Variants in EGF observed in about 807,000 individuals in gnomAD.
The protein encoded by EGF is epidermal growth factor.
Under a neutral mutation model 143.8 loss-of-function variants are expected in EGF, and 95 were observed. The ratio of observed to expected loss-of-function variants is 0.66; its 90% CI spans 0.56 to 0.78. EGF has a LOEUF of 0.78. Among genes scored for constraint, EGF ranks in the 30% least tolerant of loss-of-function variants. EGF has a pLI of 0.00. For synonymous variants in EGF, 510 were observed against 510.5 expected (o/e 1.00, Z 0.01); for missense variants, 1,320 against 1,470.9 (o/e 0.90, Z 1.68).
chr4:109,990,403 G>A (rs945476222), intron 18 of EGF, among the ~76,000 whole-genome samples: 6 of 152,192 alleles, frequency 3.9e-5, no homozygotes, highest in African/African-American at 1.4e-4. Flanking sequence ...TTTCAGGGAG[G>A]AAGTGTCATT....
At chr4:109,915,293 C>A (rs182989404) in intron 1 of EGF, among the ~76,000 whole-genome samples, 10 of 152,302 alleles carry the variant, frequency 6.6e-5, no homozygotes, top group Admixed American at 1.3e-4. Flanking sequence ...GGAAATAATA[C>A]CCTCGCCCAC....
chr4:109,930,657 C>T (rs746724898), intron 1 of EGF, among the ~76,000 whole-genome samples: 4 of 152,146 alleles, frequency 2.6e-5, no homozygotes, highest in African/African-American at 9.7e-5. Context: ...GTGTTTGCCC[C>T]CAAGGCCTGC....
chr4:109,913,552 C>A (rs2125914241), intron 1 of EGF, 90 bp downstream of exon 1: 1 of 1,553,278 alleles, frequency 6.4e-7, no homozygotes. Context: ...GGGCATTTAA[C>A]AAAGTTTGTC....
chr4:109,917,230 T>C (rs989426581), intron 1 of EGF, among the ~76,000 whole-genome samples: 5 of 152,218 alleles, frequency 3.3e-5, no homozygotes, highest in Non-Finnish European at 5.9e-5. Context: ...CATATAAAAA[T>C]GGTAAATTAG....
chr4:109,959,354 CTG>C lies in EGF; in HGVS notation c.990_991del (p.Cys330TrpfsTer25), dbSNP rs766742641. Reference sequence around the variant, plus strand: ...TTGAGGAAAGGAAACTGCAGCAGCACTGTGTGTGGGCAAGACCTCCAGTCACA... The same window carrying C: ...TTGAGGAAAGGAAACTGCAGCAGCACTGTGTGGGCAAGACCTCCAGTCACA... On this transcript the variant is annotated frameshift_variant, in exon 6 of 24. Transcript: ENST00000265171. LOFTEE classifies it high-confidence loss of function. 8 of 1,613,542 alleles carry C rather than the reference CTG, an allele frequency of 5.0e-6. No homozygotes were observed. The African/African-American group carries it at 1.1e-4, about 22-fold the overall frequency.
intron 12 of EGF, among the ~76,000 whole-genome samples, chr4:109,975,508 A>G (rs1698535993): frequency 1.3e-5 from 2 of 152,216 alleles, no homozygotes; most frequent in South Asian, 2.1e-4. Context: ...TGTGCCCAGC[A>G]CCTGATTTAT....
In EGF at chr4:109,980,902, G is replaced by T. The variant is rs41491249; in HGVS notation, c.2298G>T (p.Ser766=). 4 of 1,614,054 alleles carry T rather than the reference G, an allele frequency of 2.5e-6. No homozygotes were observed. The Admixed American group carries it at 6.7e-5, about 27-fold the overall frequency. ...CKKRLGTAWC[S]CREGFMKASD... ...AGAGGCTTGGAACTGCTTGGTGTTC[G>T]TGTCGTGAAGGTTTTATGAAAGCCT... The change falls in exon 15 of 24, where the codon TCG becomes TCT. Residue 766 remains serine, a synonymous_variant. Transcript: ENST00000265171.
At chr4:109,932,380 T>TATATATATATATATATATATATA (rs1560643531) in intron 1 of EGF, among the ~76,000 whole-genome samples, 8 of 103,812 alleles carry the variant, frequency 7.7e-5, no homozygotes, top group South Asian at 3.1e-4. Flanking sequence ...TATATATAAA[T>TATATATATATATATATATATATA]TTTTTTTTTT....
intron 14 of EGF, chr4:109,980,603 T>C: frequency 1.7e-6 from 1 of 582,508 alleles, no homozygotes. Flanking sequence ...AAGTGCTGGC[T>C]ATACCCAGTA....
rs202054851 is a variant in EGF at position 110,010,414 on chromosome 4, T to A, written c.3371-788T>A. ...TCAACCAAGACTATTGTAATTTTTT[T>A]AAAAAAATTTTAAGATGCCAACCAA... On this transcript the variant is annotated intron_variant, in intron 23 of 23. Coordinates refer to ENST00000265171, the MANE Select transcript of EGF (RefSeq NM_001963.6). Among the ~76,000 whole-genome samples the A allele has an allele frequency of 1.3e-3, 201 of 152,032 alleles. 1 individual carries two copies. Among genetic ancestry groups the A allele is most frequent in the African/African-American group, 3.0e-3 (126 of 41,416 alleles).
At chr4:109,961,051 G>A in intron 7 of EGF, 62 bp downstream of exon 7, 7 of 1,591,602 alleles carry the variant, frequency 4.4e-6, no homozygotes, top group Non-Finnish European at 5.2e-6. Flanking sequence ...TGTTTCTAAG[G>A]TGGCTATGAT....
chr4:109,926,271 T>C (rs1320840807), intron 1 of EGF, among the ~76,000 whole-genome samples: 1 of 151,910 alleles, frequency 6.6e-6, no homozygotes. Flanking sequence ...GAGGATCTCT[T>C]GAGCCCAGGA....
Position 109,945,075 on chromosome 4 carries a change from A to G in EGF, c.740A>G (p.His247Arg), listed in dbSNP as rs766856972. 3 of 1,614,150 alleles carry G rather than the reference A, an allele frequency of 1.9e-6. No homozygotes were observed. The highest frequency in any genetic ancestry group is 2.5e-6 in the Non-Finnish European group (3 of 1,180,020). Residue 247 changes from histidine (H) to arginine (R), a missense_variant and splice_region_variant, in exon 5 of 24, where the codon CAT becomes CGT. Coordinates refer to ENST00000265171, the MANE Select transcript of EGF (RefSeq NM_001963.6). ...TTTCTTTTGTGGTTGCTTTTTAGGC[A>G]TAATTTGTTTGCAATGTCCCTTTTT... ...SVHISKHPTQ[H>R]NLFAMSLFGD...
In EGF at chr4:109,930,017, T is replaced by G. The variant is rs369143014; in HGVS notation, c.128-10929T>G. Among the ~76,000 whole-genome samples the G allele has an allele frequency of 2.2e-3, 332 of 152,278 alleles. 1 individual carries two copies. Among genetic ancestry groups the G allele is most frequent in the African/African-American group, 7.5e-3 (312 of 41,558 alleles). On this transcript the variant is annotated intron_variant, in intron 1 of 23. Transcript: ENST00000265171. Reference sequence around the variant, plus strand: ...TAATAGTGAGTGAGTTCTCACGAGATCTGATGGTTTTATAAGGGGCTTCAC... The same window carrying G: ...TAATAGTGAGTGAGTTCTCACGAGAGCTGATGGTTTTATAAGGGGCTTCAC...
chr4:110,005,786 A>C (rs1035107963), intron 22 of EGF, among the ~76,000 whole-genome samples: 4 of 152,204 alleles, frequency 2.6e-5, no homozygotes, highest in African/African-American at 7.2e-5. Context: ...AGAGACTGGA[A>C]TACATGGCAG....
At chr4:109,998,368 T>A (rs1431586619) in intron 20 of EGF, among the ~76,000 whole-genome samples, 1 of 152,144 alleles carries the variant, frequency 6.6e-6, no homozygotes, top group Non-Finnish European at 1.5e-5. Context: ...TTTTCAGAGG[T>A]GAATAGAGCA....
At chr4:109,980,504 G>C in intron 14 of EGF, 1 of 462,374 alleles carries the variant, frequency 2.2e-6, no homozygotes, top group South Asian at 2.4e-5. Context: ...TTTTATAGTA[G>C]CTCTTCTTTC....
chr4:109,937,282 T>G (rs1018491093), intron 1 of EGF, among the ~76,000 whole-genome samples: 1 of 152,146 alleles, frequency 6.6e-6, no homozygotes, highest in Admixed American at 6.5e-5. Context: ...TTTACCATTA[T>G]GTAATGGTCT....
At chr4:109,999,540 C>T in intron 20 of EGF, 139 bp from the exon 21 acceptor site, 1 of 1,057,514 alleles carries the variant, frequency 9.5e-7, no homozygotes, top group Non-Finnish European at 1.4e-6. Flanking sequence ...TCAACTGACC[C>T]CTGATGGATT....
Sources: allele counts gnomAD v4.1 joint callset (sites outside exome capture counted in the v4.1 genomes callset), GRCh38; gene constraint gnomAD v4.1.1; transcripts MANE v1.5; gene names NCBI Gene and HGNC (gene_info 2026-07-23, HGNC 2026-07-21).